CCDC7: variants seen among roughly 807,000 people sequenced by gnomAD.
The protein encoded by CCDC7 is coiled-coil domain-containing protein 7.
Under a neutral mutation model 196.9 loss-of-function variants are expected in CCDC7, and 183 were observed. That is an observed-to-expected ratio of 0.93 (90% confidence interval 0.82 to 1.05). The LOEUF (loss-of-function observed/expected upper bound fraction) is 1.05, where lower values mean the gene tolerates loss of function less well. Ranked by LOEUF, CCDC7 falls within the 50% of genes least tolerant of loss-of-function variation. The probability of loss-of-function intolerance (pLI) is 0.00; values close to 1 mark genes in which losing one functional copy is unlikely to be tolerated. For synonymous variants in CCDC7, 525 were observed against 484.6 expected (o/e 1.08, Z -1.10); for missense variants, 1,540 against 1,482.2 (o/e 1.04, Z -0.64).
intron 29 of CCDC7, among the ~76,000 whole-genome samples, chr10:32,782,398 T>C (rs1190258958): frequency 6.6e-6 from 1 of 152,168 alleles, no homozygotes; most frequent in African/African-American, 2.4e-5. Context: ...CCGCTAATTT[T>C]TGTATGTTTA....
At chr10:32,756,846 C>T (rs2076543833) in intron 28 of CCDC7, among the ~76,000 whole-genome samples, 1 of 152,190 alleles carries the variant, frequency 6.6e-6, no homozygotes, top group Non-Finnish European at 1.5e-5. Context: ...GTGCTGTATT[C>T]AGGAGTCCCA....
At chr10:32,847,856 A>C in exon 38 of CCDC7, 1 of 1,611,282 alleles carries the variant, frequency 6.2e-7, no homozygotes, top group Non-Finnish European at 8.5e-7. Flanking sequence ...ACCCTTGACA[A>C]ATGCCATTGG....
At chr10:32,701,576 A>G (rs2078732703) in intron 24 of CCDC7, among the ~76,000 whole-genome samples, 1 of 152,198 alleles carries the variant, frequency 6.6e-6, no homozygotes, top group Admixed American at 6.5e-5. Context: ...TGATTGGAAT[A>G]GTTTGAGAAG....
intron 39 of CCDC7, 63 bp from the exon 41 acceptor site, chr10:32,851,744 G>T: frequency 4.9e-6 from 7 of 1,440,424 alleles, no homozygotes; most frequent in Non-Finnish European, 6.7e-6. Context: ...TACTGTGTGA[G>T]TATTAAAAAT....
chr10:32,652,027 C>G (rs2068851970), intron 20 of CCDC7, among the ~76,000 whole-genome samples: 1 of 152,140 alleles, frequency 6.6e-6, no homozygotes, highest in Non-Finnish European at 1.5e-5. Flanking sequence ...GAATTCCCCT[C>G]CTATTATTGT....
At position 32,502,982 on chromosome 10, in the gene CCDC7, C is replaced by T. The variant is rs186442089; in HGVS notation, c.872+10985C>T. ...TTGTTGTTAATTTATAGAAACACAA[C>T]TGATTTTTGTATTGGTTTTTGTATC... On this transcript the variant is annotated intron_variant, in intron 9 of 41. Transcript: ENST00000639629. 5.3e-5 allele frequency among the ~76,000 whole-genome samples: 8 copies of T among 152,184 alleles called. No individual in the cohort carries two copies. The East Asian group carries it at 1.5e-3, about 29-fold the overall frequency.
At chr10:32,627,205 A>G (rs2064174845) in intron 18 of CCDC7, among the ~76,000 whole-genome samples, 1 of 151,782 alleles carries the variant, frequency 6.6e-6, no homozygotes, top group Non-Finnish European at 1.5e-5. Flanking sequence ...AATTTCTTTC[A>G]TCAATTGTTT....
chr10:32,805,166 CT>C, intron 30 of CCDC7, 68 bp downstream of exon 31: 2 of 1,104,470 alleles, frequency 1.8e-6, no homozygotes. Context: ...AGTGTGTATC[CT>C]TAATAGCAAT....
At chr10:32,833,863 C>G (rs1315651347) in intron 32 of CCDC7, among the ~76,000 whole-genome samples, 1 of 152,020 alleles carries the variant, frequency 6.6e-6, no homozygotes, top group East Asian at 1.9e-4. Flanking sequence ...TTCTCCAGAG[C>G]AAAACTTCTA....
chr10:32,587,461 T>C (rs1012584810), intron 18 of CCDC7, among the ~76,000 whole-genome samples: 1 of 152,142 alleles, frequency 6.6e-6, no homozygotes, highest in African/African-American at 2.4e-5. Context: ...TACCCCCTCC[T>C]ACAATAATGG....
At chr10:32,763,040 A>G (rs2077697931) in intron 28 of CCDC7, among the ~76,000 whole-genome samples, 1 of 151,996 alleles carries the variant, frequency 6.6e-6, no homozygotes, top group Non-Finnish European at 1.5e-5. Context: ...AATTTTCTGG[A>G]CAAAGGAAAT....
At chr10:32,720,497 A>G (rs2082250791) in intron 25 of CCDC7, among the ~76,000 whole-genome samples, 1 of 152,102 alleles carries the variant, frequency 6.6e-6, no homozygotes, top group Admixed American at 6.6e-5. Context: ...GGGTGCAGCA[A>G]ACCACCATGG....
At chr10:32,787,984 C>A (rs1162792284) in intron 29 of CCDC7, among the ~76,000 whole-genome samples, 1 of 152,190 alleles carries the variant, frequency 6.6e-6, no homozygotes, top group Admixed American at 6.5e-5. Flanking sequence ...GCTCCACTTC[C>A]AGGCAAGCTC....
At chr10:32,550,360 A>G (rs1050487833) in intron 13 of CCDC7, among the ~76,000 whole-genome samples, 3 of 152,166 alleles carry the variant, frequency 2.0e-5, no homozygotes, top group African/African-American at 7.2e-5. Flanking sequence ...AAACAGTGAC[A>G]GTTTGACTAC....
chr10:32,549,914 A>G (rs1367570103), intron 13 of CCDC7, among the ~76,000 whole-genome samples: 1 of 152,066 alleles, frequency 6.6e-6, no homozygotes, highest in Non-Finnish European at 1.5e-5. Context: ...TTGGTTCCAT[A>G]TGAATTTTAG....
At chr10:32,691,250 G>A (rs1338462736) in intron 23 of CCDC7, among the ~76,000 whole-genome samples, 1 of 152,078 alleles carries the variant, frequency 6.6e-6, no homozygotes. Flanking sequence ...TTAGTCATGG[G>A]GTCATCGCAT....
At chr10:32,789,566 A>T (rs1046007294) in intron 29 of CCDC7, among the ~76,000 whole-genome samples, 3 of 152,088 alleles carry the variant, frequency 2.0e-5, no homozygotes, top group African/African-American at 7.2e-5. Context: ...AAGTAAAAAA[A>T]AAAAAAACCC....
Position 32,851,058 on chromosome 10 carries a change from C to T in CCDC7, c.3896-749C>T, listed in dbSNP as rs145071702. ...GCAGGCTGGGGCAAATGGAATTGAT[C>T]GTTTCTAGTCTCTGTGTTCTTTATT... On this transcript the variant is annotated intron_variant, in intron 39 of 41. Coordinates refer to ENST00000639629, the Ensembl canonical transcript of CCDC7. 1.4e-4 allele frequency among the ~76,000 whole-genome samples: 22 copies of T among 152,104 alleles called. No homozygotes were observed. The East Asian group carries it at 3.5e-3, about 24-fold the overall frequency.
chr10:32,487,936 A>T (rs1304824072), intron 8 of CCDC7, among the ~76,000 whole-genome samples: 1 of 152,096 alleles, frequency 6.6e-6, no homozygotes, highest in African/African-American at 2.4e-5. Context: ...GGGGTCAGGG[A>T]CCCACTTGAG....
Sources: gnomAD v4.1 joint callset for allele counts (sites outside exome capture counted in the v4.1 genomes callset) on GRCh38, gnomAD v4.1.1 for gene constraint, MANE v1.5 for transcripts, NCBI Gene and HGNC (gene_info 2026-07-23, HGNC 2026-07-21) for gene names.